The following ARHGAP8 variants were observed in gnomAD, a reference collection of about 807,000 sequenced individuals.
ARHGAP8 encodes rho GTPase-activating protein 8.
In ARHGAP8, 62 loss-of-function variants were observed where a neutral mutation model predicts 46.1. The observed-to-expected ratio is 1.34, with a 90% confidence interval of 1.10 to 1.66. The LOEUF is 1.66. Among genes scored for constraint, ARHGAP8 ranks in the 40% most tolerant of loss-of-function variants. ARHGAP8 has a pLI of 0.00. For synonymous variants in ARHGAP8, 375 were observed against 243.1 expected (o/e 1.54, Z -5.05); for missense variants, 923 against 568.4 (o/e 1.62, Z -6.34).
intron 10 of ARHGAP8, among the ~76,000 whole-genome samples, chr22:44,855,840 T>A (rs568597798): frequency 6.6e-6 from 1 of 152,290 alleles, no homozygotes; most frequent in Admixed American, 6.5e-5. Context: ...TATGAAGAAA[T>A]ACCTGAGGCT....
intron 10 of ARHGAP8, chr22:44,849,290 C>T: frequency 1.4e-6 from 1 of 717,966 alleles, no homozygotes. Flanking sequence ...CAGGGTTGTC[C>T]AGGCCGGTCT....
intron 2 of ARHGAP8, 25 bp downstream of exon 2, chr22:44,786,631 C>A: frequency 6.2e-7 from 1 of 1,607,898 alleles, no homozygotes; most frequent in South Asian, 1.1e-5. Flanking sequence ...GGGCAGTCTG[C>A]AGGACCATGG....
At chr22:44,799,086 G>A (rs986245636) in intron 2 of ARHGAP8, among the ~76,000 whole-genome samples, 8 of 152,340 alleles carry the variant, frequency 5.3e-5, no homozygotes, top group African/African-American at 1.9e-4. Flanking sequence ...GGGCCCCCAA[G>A]GTCTCCTGGG....
rs371151296 is a variant in ARHGAP8, at chr22:44,847,940, C to G, written c.671-33C>G. The G allele has an allele frequency of 6.2e-6, 10 of 1,603,992 alleles. No homozygotes were observed. The African/African-American group carries it at 1.3e-4, about 21-fold the overall frequency. On this transcript the variant is annotated intron_variant, in intron 8 of 11. Coordinates refer to ENST00000356099, the MANE Select transcript of ARHGAP8 (RefSeq NM_181335.3). ...GTCCTGGAAGCCCTTTGGGCTGGGA[C>G]CTGTGAGATGCCTGGAAGCTCCTCT...
At chr22:44,853,507 G>A (rs533023078) in intron 10 of ARHGAP8, among the ~76,000 whole-genome samples, 2 of 152,306 alleles carry the variant, frequency 1.3e-5, no homozygotes, top group Admixed American at 1.3e-4. Flanking sequence ...GTGCGCCGTA[G>A]TTTTCCACGG....
At chr22:44,761,592 ATTCCCCAAGGGACGT>A (rs1017046248) in intron 1 of ARHGAP8, among the ~76,000 whole-genome samples, 1 of 152,188 alleles carries the variant, frequency 6.6e-6, no homozygotes, top group Non-Finnish European at 1.5e-5. Flanking sequence ...CCTGGAATGA[ATTCCCCAAGGGACGT>A]CTGTAAACTT....
chr22:44,781,684 G>A (rs558933113), intron 1 of ARHGAP8, among the ~76,000 whole-genome samples: 590 of 34,648 alleles, frequency 0.017, 2 homozygotes, highest in African/African-American at 0.056. Context: ...CACCACGCCC[G>A]GCTAATTTTT....
intron 4 of ARHGAP8, among the ~76,000 whole-genome samples, chr22:44,813,855 A>C (rs1282336968): frequency 1.3e-5 from 2 of 152,172 alleles, no homozygotes; most frequent in African/African-American, 4.8e-5. Flanking sequence ...AGACTTACAT[A>C]CGTCTACACA....
chr22:44,756,285 T>C (rs575903079), intron 1 of ARHGAP8, among the ~76,000 whole-genome samples: 190 of 152,170 alleles, frequency 1.2e-3, no homozygotes, highest in Non-Finnish European at 2.2e-3. Flanking sequence ...CAGTGGGTTT[T>C]TCTGGGCTGC....
At chr22:44,845,685 G>A (rs1260635098) in intron 8 of ARHGAP8, among the ~76,000 whole-genome samples, 3 of 152,204 alleles carry the variant, frequency 2.0e-5, no homozygotes, top group Non-Finnish European at 2.9e-5. Flanking sequence ...GTGCTGGTCT[G>A]TAGGAAGCCC....
intron 2 of ARHGAP8, among the ~76,000 whole-genome samples, chr22:44,794,229 G>A (rs2147064361): frequency 6.6e-6 from 1 of 152,350 alleles, no homozygotes; most frequent in South Asian, 2.1e-4. Context: ...CTGGGGCCGT[G>A]CCAAGACTTC....
At chr22:44,791,423 G>A (rs150188150) in intron 2 of ARHGAP8, among the ~76,000 whole-genome samples, 7 of 152,204 alleles carry the variant, frequency 4.6e-5, no homozygotes, top group South Asian at 2.1e-4. Context: ...ACCCAGCTTC[G>A]CCGGGCGCAG....
At chr22:44,805,761 C>T (rs577269811) in intron 3 of ARHGAP8, among the ~76,000 whole-genome samples, 5 of 152,302 alleles carry the variant, frequency 3.3e-5, no homozygotes, top group African/African-American at 4.8e-5. Flanking sequence ...CTTACTTCTC[C>T]GCAGCCTTTA....
intron 6 of ARHGAP8, among the ~76,000 whole-genome samples, chr22:44,823,334 A>G (rs1011595810): frequency 2.0e-5 from 3 of 152,074 alleles, no homozygotes; most frequent in African/African-American, 7.2e-5. Context: ...TTCTAGGAGG[A>G]GGTAGCTCTT....
chr22:44,816,689 C>T (rs1929765605), intron 5 of ARHGAP8, among the ~76,000 whole-genome samples: 1 of 151,486 alleles, frequency 6.6e-6, no homozygotes, highest in Non-Finnish European at 1.5e-5. Context: ...CCTGTGGTCC[C>T]AGCTACACGG....
At chr22:44,782,014 T>C (rs1379075068) in intron 1 of ARHGAP8, among the ~76,000 whole-genome samples, 1 of 152,032 alleles carries the variant, frequency 6.6e-6, no homozygotes, top group East Asian at 1.9e-4. Flanking sequence ...TCTTTTAAAT[T>C]GGACTGAAAT....
chr22:44,773,775 G>C (rs1018424150), intron 1 of ARHGAP8, among the ~76,000 whole-genome samples: 2 of 152,134 alleles, frequency 1.3e-5, no homozygotes, highest in South Asian at 2.1e-4. Context: ...TAGAGATAGG[G>C]TTTTGCCATG....
intron 11 of ARHGAP8, among the ~76,000 whole-genome samples, chr22:44,860,349 GA>G (rs1447387027): frequency 6.6e-6 from 1 of 152,096 alleles, no homozygotes; most frequent in Non-Finnish European, 1.5e-5. Flanking sequence ...GCTCCTTCCA[GA>G]GGCTCTAGGG....
At chr22:44,852,794 T>A (rs1040966664) in intron 10 of ARHGAP8, among the ~76,000 whole-genome samples, 2 of 152,032 alleles carry the variant, frequency 1.3e-5, no homozygotes, top group African/African-American at 4.8e-5. Context: ...TTTTTTTTAT[T>A]TTGTTTTTTG....
Sources: gnomAD v4.1 joint callset for allele counts (sites outside exome capture counted in the v4.1 genomes callset) on GRCh38, gnomAD v4.1.1 for gene constraint, MANE v1.5 for transcripts, NCBI Gene and HGNC (gene_info 2026-07-23, HGNC 2026-07-21) for gene names.